ARMC9: variants seen among roughly 807,000 people sequenced by gnomAD.
ARMC9 encodes the protein lisH domain-containing protein ARMC9.
ARMC9 carries 94 observed loss-of-function variants against 107.0 expected under a neutral mutation model. That is an observed-to-expected ratio of 0.88 (90% CI 0.74 to 1.04). The LOEUF is 1.04. Among genes scored for constraint, ARMC9 ranks in the 50% least tolerant of loss-of-function variants. ARMC9 has a pLI of 0.00. For missense variants in ARMC9, 942 were observed against 1,030.1 expected (o/e 0.91, Z 1.17); for synonymous variants, 380 against 396.9 (o/e 0.96, Z 0.51).
intron 19 of ARMC9, among the ~76,000 whole-genome samples, chr2:231,298,832 G>A (rs955551712): frequency 2.6e-5 from 4 of 152,092 alleles, no homozygotes; most frequent in Non-Finnish European, 5.9e-5. Flanking sequence ...TACTAGGGAA[G>A]CTGAGGCACG....
At chr2:231,332,928 G>GAA (rs2043840081) in intron 20 of ARMC9, among the ~76,000 whole-genome samples, 1 of 152,208 alleles carries the variant, frequency 6.6e-6, no homozygotes, top group Admixed American at 6.5e-5. Flanking sequence ...TGGAGAAGAA[G>GAA]GGTGGAGCCA....
At chr2:231,221,829 T>TAA (rs2034161249) in intron 5 of ARMC9, among the ~76,000 whole-genome samples, 1 of 35,866 alleles carries the variant, frequency 2.8e-5, no homozygotes, top group African/African-American at 4.1e-4. Context: ...AGACTCTGTC[T>TAA]CAAAAAAAAA....
intron 19 of ARMC9, among the ~76,000 whole-genome samples, chr2:231,317,207 G>C (rs1301434693): frequency 6.6e-6 from 1 of 151,128 alleles, no homozygotes. Context: ...GTCTCATTCT[G>C]TCGCCCAGGC....
chr2:231,367,890 C>G (rs1427787132), intron 23 of ARMC9, among the ~76,000 whole-genome samples: 1 of 150,080 alleles, frequency 6.7e-6, no homozygotes, highest in East Asian at 2.0e-4. Context: ...GGCTGAGTCA[C>G]GAGAACTTGA....
At chr2:231,306,859 A>G (rs2042062829) in intron 19 of ARMC9, among the ~76,000 whole-genome samples, 1 of 152,222 alleles carries the variant, frequency 6.6e-6, no homozygotes, top group South Asian at 2.1e-4. Flanking sequence ...AGGGGAAGCG[A>G]CAGTGAAGCT....
chr2:231,289,694 G>A (rs1160336853), intron 17 of ARMC9, among the ~76,000 whole-genome samples: 1 of 152,126 alleles, frequency 6.6e-6, no homozygotes, highest in Non-Finnish European at 1.5e-5. Context: ...TGTCCAACTG[G>A]TCCCGCAGGA....
At chr2:231,227,883 C>T (rs545248161) in intron 7 of ARMC9, among the ~76,000 whole-genome samples, 5 of 152,336 alleles carry the variant, frequency 3.3e-5, no homozygotes, top group South Asian at 4.1e-4. Context: ...ACCCTTCTGT[C>T]GCTCAGAGGG....
At chr2:231,337,286 ATATATTTTTTTT>A (rs1440890089) in intron 20 of ARMC9, among the ~76,000 whole-genome samples, 6 of 59,738 alleles carry the variant, frequency 1.0e-4, no homozygotes, top group Non-Finnish European at 1.5e-4. Context: ...ATATATATAT[ATATATTTTTTTT>A]TTTTTTTTTT....
intron 19 of ARMC9, among the ~76,000 whole-genome samples, chr2:231,311,438 G>A (rs886678431): frequency 6.6e-6 from 1 of 152,138 alleles, no homozygotes; most frequent in African/African-American, 2.4e-5. Context: ...GGTGGGGTAG[G>A]TATTTGCTGA....
intron 12 of ARMC9, among the ~76,000 whole-genome samples, chr2:231,264,881 T>C (rs890464846): frequency 6.6e-6 from 1 of 151,478 alleles, no homozygotes; most frequent in Non-Finnish European, 1.5e-5. Context: ...CCGAGGCGGG[T>C]GGATCAGGAG....
intron 19 of ARMC9, among the ~76,000 whole-genome samples, chr2:231,304,846 T>A (rs1390133414): frequency 6.6e-6 from 1 of 152,238 alleles, no homozygotes; most frequent in South Asian, 2.1e-4. Flanking sequence ...CTTGAAAGTT[T>A]AAATTGTATT....
intron 10 of ARMC9, among the ~76,000 whole-genome samples, chr2:231,258,176 T>C (rs1172402184): frequency 6.6e-6 from 1 of 152,080 alleles, no homozygotes; most frequent in Non-Finnish European, 1.5e-5. Flanking sequence ...ACCTAATTAC[T>C]CTTTTTTTCT....
At chr2:231,237,781 ATTTTTTTTTTTTTTTTTTTT>A (rs142285288) in intron 8 of ARMC9, among the ~76,000 whole-genome samples, 1 of 26,960 alleles carries the variant, frequency 3.7e-5, no homozygotes, top group African/African-American at 1.2e-4. Flanking sequence ...ATATATATAT[ATTTTTTTTTTTTTTTTTTTT>A]TTTTTTTTTT....
rs903621915 is a variant in ARMC9 at position 231,283,641 on chromosome 2, G to C, written c.1626+1508G>C. On this transcript the variant is annotated intron_variant, in intron 17 of 24. Coordinates refer to ENST00000611582, the MANE Select transcript of ARMC9 (RefSeq NM_001352754.2). ...GATGGGGTTTCACCATCTTGGCCAG[G>C]CTGGTCTCAAGCTCCTAACCTCAAG... Among the ~76,000 whole-genome samples, 5 of 152,152 alleles carry C rather than the reference G, an allele frequency of 3.3e-5. No individual in the cohort carries two copies. In the South Asian group the frequency reaches 8.3e-4, roughly 25 times the overall value.
chr2:231,248,284 A>G (rs1387191852), intron 9 of ARMC9, among the ~76,000 whole-genome samples: 5 of 152,138 alleles, frequency 3.3e-5, no homozygotes, highest in Non-Finnish European at 5.9e-5. Context: ...CTCTTGGCTT[A>G]ATGTCACATT....
At chr2:231,227,382 C>G (rs2034747750) in intron 7 of ARMC9, among the ~76,000 whole-genome samples, 1 of 152,232 alleles carries the variant, frequency 6.6e-6, no homozygotes, top group Non-Finnish European at 1.5e-5. Flanking sequence ...CGCTGTACCT[C>G]AGTTTTGCCT....
intron 24 of ARMC9, 86 bp from the exon 25 acceptor site, chr2:231,371,427 G>A (rs529323222): frequency 1.3e-5 from 17 of 1,329,566 alleles, no homozygotes; most frequent in East Asian, 2.8e-5. Context: ...CTTCTGAGCC[G>A]GCTGAAAGAG....
intron 19 of ARMC9, 97 bp from the exon 20 acceptor site, chr2:231,331,696 C>A (rs186161528): frequency 5.7e-6 from 6 of 1,046,822 alleles, no homozygotes; most frequent in Non-Finnish European, 8.6e-6. Context: ...TTGGCCGAGG[C>A]CTTCTTGTTT....
At chr2:231,207,350 G>A (rs1317952917) in intron 2 of ARMC9, among the ~76,000 whole-genome samples, 3 of 152,098 alleles carry the variant, frequency 2.0e-5, no homozygotes, top group African/African-American at 4.8e-5. Context: ...ATTTGAGATG[G>A]GGTCTCGCTT....
Sources: allele counts gnomAD v4.1 joint callset (sites outside exome capture counted in the v4.1 genomes callset), GRCh38; gene constraint gnomAD v4.1.1; transcripts MANE v1.5; gene names NCBI Gene and HGNC (gene_info 2026-07-23, HGNC 2026-07-21).